CSMD1: variants seen among roughly 807,000 people sequenced by gnomAD.
CSMD1 encodes the protein CUB and Sushi multiple domains 1.
CSMD1 carries 213 observed loss-of-function variants against 417.5 expected under a neutral mutation model. The observed-to-expected ratio is 0.51, with a 90% CI of 0.46 to 0.57. The LOEUF (loss-of-function observed/expected upper bound fraction) is 0.57. Among genes scored for constraint, CSMD1 ranks in the 20% least tolerant of loss-of-function variants. The pLI is 0.00. For synonymous variants in CSMD1, 2,862 were observed against 1,736.8 expected, an observed-to-expected ratio of 1.65 and a Z score of -16.11; for missense variants, 6,923 against 4,529.7, an observed-to-expected ratio of 1.53 and a Z score of -15.17.
At chr8:4,096,955 T>A (rs1218521153) in intron 3 of CSMD1, among the ~76,000 whole-genome samples, 1 of 152,178 alleles carries the variant, frequency 6.6e-6, no homozygotes, top group Non-Finnish European at 1.5e-5. Context: ...GCCATTTAGA[T>A]GTGTGAGCCA....
intron 1 of CSMD1, among the ~76,000 whole-genome samples, chr8:4,821,615 C>T (rs1313557224): frequency 2.6e-5 from 4 of 151,932 alleles, no homozygotes; most frequent in Non-Finnish European, 5.9e-5. Flanking sequence ...CCTTCATATT[C>T]AGAAAAATAG....
At chr8:4,456,898 G>C (rs890285925) in intron 2 of CSMD1, among the ~76,000 whole-genome samples, 6 of 150,686 alleles carry the variant, frequency 4.0e-5, no homozygotes, top group African/African-American at 1.5e-4. Flanking sequence ...ACCCGTATTT[G>C]AAGCCAGTTT....
At chr8:4,533,819 T>C (rs909430376) in intron 2 of CSMD1, among the ~76,000 whole-genome samples, 4 of 151,510 alleles carry the variant, frequency 2.6e-5, no homozygotes, top group South Asian at 2.1e-4. Context: ...TATATTTATA[T>C]AAAGTTTTAT....
intron 2 of CSMD1, among the ~76,000 whole-genome samples, chr8:4,603,635 C>G (rs1445672587): frequency 1.3e-5 from 2 of 152,042 alleles, no homozygotes; most frequent in South Asian, 2.1e-4. Context: ...ATATAATCAC[C>G]TCATTCAAAA....
At chr8:4,344,169 T>G (rs573564961) in intron 3 of CSMD1, among the ~76,000 whole-genome samples, 1 of 152,128 alleles carries the variant, frequency 6.6e-6, no homozygotes, top group Non-Finnish European at 1.5e-5. Context: ...AATCTGCTTT[T>G]TCATATATTT....
At chr8:3,241,889 G>C (rs1035585465) in intron 26 of CSMD1, among the ~76,000 whole-genome samples, 4 of 151,902 alleles carry the variant, frequency 2.6e-5, no homozygotes, top group African/African-American at 7.3e-5. Flanking sequence ...TGTGGGGTTT[G>C]AGGGCTGGAA....
chr8:3,926,761 G>A (rs940607010), intron 5 of CSMD1, among the ~76,000 whole-genome samples: 1 of 135,072 alleles, frequency 7.4e-6, no homozygotes, highest in Non-Finnish European at 1.5e-5. Flanking sequence ...CTGTAGCCAG[G>A]GTGGAATGCA....
In CSMD1 at chr8:4,698,903, A is replaced by AACACACACAC. The variant is rs71988727; in HGVS notation, c.86-61355_86-61346dup. Among the ~76,000 whole-genome samples, 43 of 140,216 alleles carry AACACACACAC rather than the reference A, an allele frequency of 3.1e-4. No homozygotes were observed. In the South Asian group the frequency reaches 3.3e-3, roughly 11 times the overall value. 92.0% of individuals were successfully genotyped at this position (140,216 alleles called of 152,430 possible). On this transcript the variant is annotated intron_variant, in intron 1 of 69. Coordinates refer to ENST00000635120, the MANE Select transcript of CSMD1 (RefSeq NM_033225.6). Reference sequence around the variant, plus strand: ...CTCTTAAACATGTGCATACCCTCCCAACACACACACACACACACACACACA... The same window carrying AACACACACAC: ...CTCTTAAACATGTGCATACCCTCCCAACACACACACACACACACACACACACACACACACA...
At position 4,415,165 on chromosome 8, in the gene CSMD1, G is replaced by A. The variant is rs139333880; in HGVS notation, c.415+4788C>T. ...CCTTCAGATAGGGCAGAAAGGCTCA[G>A]CTCCAGGCTCTCTGAGCTCCAGAGA... On this transcript the variant is annotated intron_variant, in intron 3 of 69. Transcript: ENST00000635120. Among the ~76,000 whole-genome samples the A allele has an allele frequency of 3.1e-4, 47 of 152,166 alleles. 1 individual carries two copies. Among genetic ancestry groups the A allele is most frequent in the Admixed American group, 2.9e-3 (45 of 15,290 alleles).
At chr8:4,469,276 A>G (rs1335392113) in intron 2 of CSMD1, among the ~76,000 whole-genome samples, 2 of 152,204 alleles carry the variant, frequency 1.3e-5, no homozygotes, top group East Asian at 3.9e-4. Flanking sequence ...CAAAGACACT[A>G]TGATTGTCAT....
intron 49 of CSMD1, among the ~76,000 whole-genome samples, 189 bp downstream of exon 49, chr8:3,086,908 C>G (rs1814570124): frequency 1.3e-5 from 2 of 152,198 alleles, no homozygotes; most frequent in Non-Finnish European, 2.9e-5. Flanking sequence ...TCTCCAAATT[C>G]AGGCTATACA....
At chr8:4,811,940 T>A (rs1401372361) in intron 1 of CSMD1, among the ~76,000 whole-genome samples, 1 of 152,146 alleles carries the variant, frequency 6.6e-6, no homozygotes. Flanking sequence ...ATAGGCGCAT[T>A]AGAATAAGTC....
intron 3 of CSMD1, among the ~76,000 whole-genome samples, chr8:4,340,500 C>G (rs1800412969): frequency 6.6e-6 from 1 of 152,056 alleles, no homozygotes; most frequent in South Asian, 2.1e-4. Flanking sequence ...GTCGAGTCCC[C>G]AATGTCATGG....
intron 4 of CSMD1, among the ~76,000 whole-genome samples, chr8:4,027,382 C>G (rs1321223117): frequency 1.3e-5 from 2 of 152,040 alleles, no homozygotes; most frequent in Non-Finnish European, 2.9e-5. Context: ...ATTCTAATCC[C>G]CTAATCCCCA....
chr8:4,625,211 C>G (rs1291800035), intron 2 of CSMD1, among the ~76,000 whole-genome samples: 1 of 152,070 alleles, frequency 6.6e-6, no homozygotes, highest in South Asian at 2.1e-4. Context: ...GTCTACACAG[C>G]ACGTTCTCAC....
chr8:3,652,092 G>C (rs36180225), intron 7 of CSMD1, among the ~76,000 whole-genome samples: 2 of 141,310 alleles, frequency 1.4e-5, no homozygotes, highest in East Asian at 2.1e-4. Flanking sequence ...ACCACCATCA[G>C]AGCACCTACC....
intron 2 of CSMD1, among the ~76,000 whole-genome samples, chr8:4,590,172 T>A (rs186648383): frequency 7.4e-6 from 1 of 134,944 alleles, no homozygotes; most frequent in Admixed American, 7.2e-5. Context: ...CTTTATGCTG[T>A]TTTTTTTTTC....
chr8:3,904,586 C>G (rs1255239248), intron 5 of CSMD1, among the ~76,000 whole-genome samples: 1 of 151,656 alleles, frequency 6.6e-6, no homozygotes. Context: ...ATTAAATTAT[C>G]TCAAATATAT....
At chr8:4,667,845 T>C (rs1370534228) in intron 1 of CSMD1, among the ~76,000 whole-genome samples, 2 of 152,106 alleles carry the variant, frequency 1.3e-5, no homozygotes, top group Non-Finnish European at 1.5e-5. Flanking sequence ...AAACCTTTTA[T>C]AGCTTTTTCT....
Sources: allele counts gnomAD v4.1 joint callset (sites outside exome capture counted in the v4.1 genomes callset), GRCh38; gene constraint gnomAD v4.1.1; transcripts MANE v1.5; gene names NCBI Gene and HGNC (gene_info 2026-07-23, HGNC 2026-07-21).